ANTXR1: variants seen among roughly 807,000 people sequenced by gnomAD.
ANTXR1 encodes ANTXR cell adhesion molecule 1, also known as anthrax toxin receptor 1.
In ANTXR1, 19 loss-of-function variants were observed where a neutral mutation model predicts 78.1. That is an observed-to-expected ratio of 0.24 (90% CI 0.17 to 0.36). The LOEUF (loss-of-function observed/expected upper bound fraction) is 0.36. Among genes scored for constraint, ANTXR1 ranks in the 10% least tolerant of loss-of-function variants. The pLI, the probability that ANTXR1 is intolerant of heterozygous loss-of-function variation, is 1.00. For missense variants in ANTXR1, 518 were observed against 718.6 expected (o/e 0.72, Z 3.19); for synonymous variants, 273 against 260.5 (o/e 1.05, Z -0.46).
chr2:69,196,008 T>G (rs962078108), intron 17 of ANTXR1, among the ~76,000 whole-genome samples: 1 of 152,208 alleles, frequency 6.6e-6, no homozygotes, highest in African/African-American at 2.4e-5. Context: ...ATATTATCAT[T>G]AATAAGACAG....
intron 12 of ANTXR1, chr2:69,145,549 G>A (rs988222580): frequency 7.1e-7 from 1 of 1,413,388 alleles, no homozygotes; most frequent in African/African-American, 1.4e-5. Context: ...AGGAGGGACA[G>A]GAAACGTTCC....
intron 3 of ANTXR1, among the ~76,000 whole-genome samples, chr2:69,063,296 A>G (rs1001449120): frequency 2.0e-4 from 30 of 152,194 alleles, no homozygotes; most frequent in Admixed American, 3.3e-4. Flanking sequence ...GGAAAGATAT[A>G]TTAAAGAGAA....
intron 8 of ANTXR1, among the ~76,000 whole-genome samples, chr2:69,089,963 G>T (rs1314216391): frequency 6.6e-6 from 1 of 152,160 alleles, no homozygotes; most frequent in African/African-American, 2.4e-5. Flanking sequence ...TGCTACCAGT[G>T]AGAAACCCCA....
intron 1 of ANTXR1, among the ~76,000 whole-genome samples, chr2:69,018,084 T>A (rs564613577): frequency 1.3e-5 from 2 of 151,786 alleles, no homozygotes; most frequent in Non-Finnish European, 2.9e-5. Context: ...GCAGGAGGAG[T>A]GGAGATGGTG....
chr2:69,222,573 GCTA>G (rs1351553351), intron 17 of ANTXR1, among the ~76,000 whole-genome samples: 4 of 152,188 alleles, frequency 2.6e-5, no homozygotes, highest in African/African-American at 9.7e-5. Context: ...CATTTAGGAG[GCTA>G]CTGTAATATC....
At chr2:69,200,060 G>A (rs1201389684) in intron 17 of ANTXR1, among the ~76,000 whole-genome samples, 1 of 152,146 alleles carries the variant, frequency 6.6e-6, no homozygotes, top group Admixed American at 6.5e-5. Context: ...CTACCAACCA[G>A]CCTGAGCCCT....
chr2:69,226,208 C>G (rs1484085411), intron 17 of ANTXR1, among the ~76,000 whole-genome samples: 4 of 152,188 alleles, frequency 2.6e-5, no homozygotes, highest in Admixed American at 6.5e-5. Context: ...AGAGATTGTT[C>G]TTACTAAGCA....
At chr2:69,086,862 C>T (rs553559016) in intron 8 of ANTXR1, among the ~76,000 whole-genome samples, 3 of 152,316 alleles carry the variant, frequency 2.0e-5, no homozygotes, top group African/African-American at 7.2e-5. Flanking sequence ...GGGTTATTAA[C>T]TTTCTGTGGA....
At position 69,245,407 on chromosome 2, in the gene ANTXR1, C is replaced by A. The variant is rs369009110; in HGVS notation, c.1617C>A (p.Thr539=). Residue 539 remains threonine (T), a synonymous_variant, in exon 18 of 18, where the codon ACC becomes ACA. Transcript: ENST00000303714. ...PTPPIPSPPS[T]LPPPPQAPPP... is the part of the protein sequence containing the mutation. Reference sequence around the variant, plus strand: ...CTCCCATCCCGTCCCCACCTTCCACCCTTCCCCCTCCTCCCCAGGCTCCAC... The same window carrying A: ...CTCCCATCCCGTCCCCACCTTCCACACTTCCCCCTCCTCCCCAGGCTCCAC... 2 of 1,576,672 alleles carry A rather than the reference C, an allele frequency of 1.3e-6. No individual in the cohort carries two copies. Among genetic ancestry groups the A allele is most frequent in the African/African-American group, 1.4e-5 (1 of 71,306 alleles).
intron 1 of ANTXR1, among the ~76,000 whole-genome samples, chr2:69,033,225 A>G (rs6546473): frequency 0.38 from 57,357 of 152,074 alleles, 16,312 homozygotes; most frequent in African/African-American, 0.77. Context: ...GTCTGTATTG[A>G]TGTCTAAAGA....
intron 17 of ANTXR1, among the ~76,000 whole-genome samples, chr2:69,205,910 G>A (rs1363286650): frequency 6.6e-6 from 1 of 151,212 alleles, no homozygotes; most frequent in African/African-American, 2.4e-5. Flanking sequence ...TTTTCTTTAA[G>A]TTTGTTTGAA....
intron 3 of ANTXR1, among the ~76,000 whole-genome samples, chr2:69,070,249 T>C (rs988246603): frequency 1.3e-5 from 2 of 152,226 alleles, no homozygotes. Flanking sequence ...GTCCTTGTGG[T>C]GGCCTTTCCC....
In ANTXR1 at chr2:69,069,943, A is replaced by G. The variant is rs769318198; in HGVS notation, c.297-704A>G. On this transcript the variant is annotated intron_variant, in intron 3 of 17. Coordinates refer to ENST00000303714, the MANE Select transcript of ANTXR1 (RefSeq NM_032208.3). Reference sequence around the variant, plus strand: ...TTACTTTATTGCCCTTTTTGGCACAATATGGAGCTATTTAAAAGACAGAAA... The same window carrying G: ...TTACTTTATTGCCCTTTTTGGCACAGTATGGAGCTATTTAAAAGACAGAAA... Among the ~76,000 whole-genome samples, 3 of 152,318 alleles carry G rather than the reference A, an allele frequency of 2.0e-5. 1 individual carries two copies. In the South Asian group the frequency reaches 6.2e-4, roughly 32 times the overall value.
chr2:69,158,245 G>A (rs184105007), intron 13 of ANTXR1, among the ~76,000 whole-genome samples: 1 of 152,204 alleles, frequency 6.6e-6, no homozygotes, highest in East Asian at 1.9e-4. Flanking sequence ...CTACTCTTTG[G>A]GGCTCATTAA....
chr2:69,074,613 T>C (rs1263146826), intron 6 of ANTXR1, among the ~76,000 whole-genome samples: 1 of 152,216 alleles, frequency 6.6e-6, no homozygotes. Flanking sequence ...GCAAATAAAG[T>C]TGAGGCTACA....
chr2:69,219,388 C>CACAA (rs895632087), intron 17 of ANTXR1, among the ~76,000 whole-genome samples: 1 of 137,192 alleles, frequency 7.3e-6, no homozygotes, highest in Non-Finnish European at 1.5e-5. Flanking sequence ...AAGGAGGACA[C>CACAA]ACACACACAC....
intron 12 of ANTXR1, among the ~76,000 whole-genome samples, chr2:69,142,832 G>C (rs1485276661): frequency 2.0e-5 from 3 of 152,186 alleles, no homozygotes; most frequent in South Asian, 2.1e-4. Flanking sequence ...TGAGGAGGGA[G>C]GGGGAGGTGC....
At chr2:69,042,100 GA>G (rs1669630608) in intron 2 of ANTXR1, among the ~76,000 whole-genome samples, 2 of 152,152 alleles carry the variant, frequency 1.3e-5, no homozygotes, top group Admixed American at 1.3e-4. Context: ...AGGCAGCTGG[GA>G]CTACAGGGGG....
At chr2:69,170,753 A>G (rs1673961213) in intron 14 of ANTXR1, among the ~76,000 whole-genome samples, 1 of 152,188 alleles carries the variant, frequency 6.6e-6, no homozygotes, top group South Asian at 2.1e-4. Flanking sequence ...TTTAAAAACA[A>G]TATTACCTAA....
Sources: allele counts gnomAD v4.1 joint callset (sites outside exome capture counted in the v4.1 genomes callset), GRCh38; gene constraint gnomAD v4.1.1; transcripts MANE v1.5; gene names NCBI Gene and HGNC (gene_info 2026-07-23, HGNC 2026-07-21).